The following POLR1C variants were observed in gnomAD, a reference collection of about 807,000 sequenced individuals.
POLR1C encodes the protein RNA polymerase I and III subunit C.
POLR1C carries 42 observed loss-of-function variants against 38.3 expected under a neutral mutation model. That is an observed-to-expected ratio of 1.10 (90% CI 0.86 to 1.42). The LOEUF (loss-of-function observed/expected upper bound fraction) is 1.42, where lower values mean the gene tolerates loss of function less well. POLR1C is among the 40% of genes most tolerant of loss of function. The probability of loss-of-function intolerance (pLI) is 0.00; values close to 1 mark genes in which losing one functional copy is unlikely to be tolerated. For synonymous variants in POLR1C, 163 were observed against 163.9 expected, an observed-to-expected ratio of 0.99 and a Z score of 0.04; for missense variants, 507 against 450.5, an observed-to-expected ratio of 1.13 and a Z score of -1.14.
intron 8 of POLR1C, chr6:43,528,210 G>A: frequency 6.3e-7 from 1 of 1,588,470 alleles, no homozygotes; most frequent in African/African-American, 1.3e-5. Context: ...AAGCCTCTGG[G>A]AAAACACAAA....
chr6:43,528,812 C>T, intron 8 of POLR1C: 1 of 1,611,404 alleles, frequency 6.2e-7, no homozygotes, highest in Non-Finnish European at 8.5e-7. Flanking sequence ...CTTCCTGTTC[C>T]TGACTTATCT....
rs140295996 is a variant in POLR1C at position 43,538,441 on chromosome 6, C to T, written c.*4+9082C>T. Reference sequence around the variant, plus strand: ...CTGAGATCACAAGCGTGAGGCACCACGCTAAGCCTAATTTAGTGACTAAGA... The same window carrying T: ...CTGAGATCACAAGCGTGAGGCACCATGCTAAGCCTAATTTAGTGACTAAGA... On this transcript the variant is annotated intron_variant, in intron 9 of 10. Transcript: ENST00000607635. 2.7e-3 allele frequency among the ~76,000 whole-genome samples: 407 copies of T among 152,044 alleles called. 1 individual carries two copies. Among genetic ancestry groups the T allele is most frequent in the Middle Eastern group, 6.8e-3 (2 of 292 alleles).
chr6:43,558,804 T>A (rs1762250974), intron 10 of POLR1C: 1 of 449,944 alleles, frequency 2.2e-6, no homozygotes, highest in Admixed American at 4.0e-5. Flanking sequence ...ATACTTTTAG[T>A]TGATACCATC....
downstream of POLR1C, chr6:43,530,792 A>G (rs773870581): frequency 1.2e-6 from 2 of 1,613,460 alleles, no homozygotes; most frequent in Non-Finnish European, 8.5e-7. Context: ...GTCTTGCTGC[A>G]TGGAAGGGCC....
chr6:43,534,143 T>A (rs1794169580), downstream of POLR1C: 1 of 550,928 alleles, frequency 1.8e-6, no homozygotes, highest in Non-Finnish European at 3.2e-6. Flanking sequence ...GAAAAGAAGG[T>A]ATAAATATCT....
chr6:43,524,859 T>C, downstream of POLR1C: 2 of 1,613,868 alleles, frequency 1.2e-6, no homozygotes, highest in Non-Finnish European at 1.7e-6. Flanking sequence ...GAAGGCCAGA[T>C]GGACCAGGGA....
downstream of POLR1C, chr6:43,525,811 A>G: frequency 6.2e-7 from 1 of 1,612,238 alleles, no homozygotes; most frequent in Non-Finnish European, 8.5e-7. Flanking sequence ...GGCAAGGAGT[A>G]AAGGTATCAC....
At chr6:43,549,679 G>T in intron 9 of POLR1C, 1 of 1,377,816 alleles carries the variant, frequency 7.3e-7, no homozygotes, top group Non-Finnish European at 1.0e-6. Context: ...AATTCACAAT[G>T]ATTTTTCACA....
downstream of POLR1C, chr6:43,525,034 TCTG>T: frequency 6.3e-7 from 1 of 1,588,194 alleles, no homozygotes; most frequent in South Asian, 1.1e-5. Context: ...CCCCAGTTCT[TCTG>T]AATGATTTAG....
intron 10 of POLR1C, chr6:43,560,268 G>C (rs1762349190): frequency 6.2e-7 from 1 of 1,611,670 alleles, no homozygotes; most frequent in Non-Finnish European, 8.5e-7. Flanking sequence ...GCCTGAAGAG[G>C]GCTCCCCAAG....
At chr6:43,543,507 T>C (rs1052451563) in intron 9 of POLR1C, among the ~76,000 whole-genome samples, 1 of 152,036 alleles carries the variant, frequency 6.6e-6, no homozygotes, top group Non-Finnish European at 1.5e-5. Flanking sequence ...ATAGTAGTTA[T>C]CTTTGAGGGG....
At chr6:43,525,603 A>T, downstream of POLR1C, 1 of 551,508 alleles carries the variant, frequency 1.8e-6, no homozygotes, top group Non-Finnish European at 3.2e-6. Flanking sequence ...AACACCAGGG[A>T]TCTGCATCAG....
chr6:43,526,323 T>G, downstream of POLR1C: 1 of 372,946 alleles, frequency 2.7e-6, no homozygotes, highest in Non-Finnish European at 5.0e-6. Flanking sequence ...AAAAACATAA[T>G]GTTGGGTAGT....
chr6:43,541,594 C>G (rs1794692240), intron 9 of POLR1C, among the ~76,000 whole-genome samples: 1 of 152,236 alleles, frequency 6.6e-6, no homozygotes, highest in Non-Finnish European at 1.5e-5. Context: ...ACACTTTCTT[C>G]TCCTCTCCAA....
chr6:43,536,125 G>A (rs542535476), intron 9 of POLR1C, among the ~76,000 whole-genome samples: 17 of 147,194 alleles, frequency 1.2e-4, no homozygotes, highest in Non-Finnish European at 1.3e-4. Flanking sequence ...AAAGTCATTC[G>A]CTACCCTGGC....
chr6:43,553,275 C>T (rs1305797990), intron 10 of POLR1C: 2 of 1,420,488 alleles, frequency 1.4e-6, no homozygotes, highest in Non-Finnish European at 9.3e-7. Flanking sequence ...GCATTTCAGC[C>T]TGAGCAACAG....
At chr6:43,558,682 T>A in intron 10 of POLR1C, 3 of 965,868 alleles carry the variant, frequency 3.1e-6, no homozygotes, top group East Asian at 2.7e-5. Flanking sequence ...TTTTAATTTA[T>A]TTAAGAGTTA....
exon 11 of POLR1C, chr6:43,562,394 T>C (rs1293174064): frequency 1.5e-6 from 2 of 1,339,344 alleles, no homozygotes; most frequent in Non-Finnish European, 2.1e-6. Context: ...AAAAAGGCTG[T>C]AATAAAAACA....
chr6:43,560,126 C>T, intron 10 of POLR1C: 4 of 1,587,870 alleles, frequency 2.5e-6, no homozygotes, highest in Non-Finnish European at 3.4e-6. Context: ...GCCTCAAAGT[C>T]TTATTATGTG....
Sources: allele counts gnomAD v4.1 joint callset (sites outside exome capture counted in the v4.1 genomes callset), GRCh38; gene constraint gnomAD v4.1.1; transcripts MANE v1.5; gene names NCBI Gene and HGNC (gene_info 2026-07-23, HGNC 2026-07-21).